TENM1: variants seen among roughly 807,000 people sequenced by gnomAD.
TENM1 encodes the protein teneurin-1.
TENM1 carries 35 observed loss-of-function variants against 174.8 expected under a neutral mutation model. The ratio of observed to expected loss-of-function variants is 0.20; its 90% CI spans 0.15 to 0.27. The LOEUF is 0.27. TENM1 is among the 10% of genes least tolerant of loss of function. The pLI is 1.00. For missense variants in TENM1, 1,633 were observed against 2,130.1 expected, an observed-to-expected ratio of 0.77 and a Z score of 4.59; for synonymous variants, 781 against 798.7, an observed-to-expected ratio of 0.98 and a Z score of 0.37.
intron 1 of TENM1, among the ~76,000 whole-genome samples, chrX:124,957,456 C>A (rs1302080561): frequency 9.1e-6 from 1 of 109,601 alleles, no homozygotes; most frequent in Admixed American, 9.8e-5. Flanking sequence ...TGGTGGCACA[C>A]GCCTGTAATC....
At chrX:124,432,403 A>ATTTATTTG (rs1226784670) in intron 23 of TENM1, among the ~76,000 whole-genome samples, 17 of 109,607 alleles carry the variant, frequency 1.6e-4, no homozygotes, top group Admixed American at 1.2e-3. Context: ...TTATTTATTT[A>ATTTATTTG]TTTGTTTGTT....
chrX:125,150,788 A>C, the TENM1 span, among the ~76,000 whole-genome samples: 9 of 112,842 alleles, frequency 8.0e-5, no homozygotes, highest in Admixed American at 1.9e-4. Flanking sequence ...ACAAGGCATC[A>C]CAATAGATTT....
Position 124,530,504 on chromosome X carries a change from C to T in TENM1, c.2652-521G>A, listed in dbSNP as rs189620481. On this transcript the variant is annotated intron_variant, in intron 15 of 31. Coordinates refer to ENST00000422452, the Ensembl canonical transcript of TENM1. The stretch of plus-strand genomic sequence containing the variant: ...GTCCCTACTGACCGCCTTTTTCCTG[C>T]TTCTTGGTGTTCTCATCAGAGGTAC... Among the ~76,000 whole-genome samples, 444 of 111,101 alleles carry T rather than the reference C, an allele frequency of 4.0e-3. 2 individuals are homozygous for T. Among genetic ancestry groups the T allele is most frequent in the Non-Finnish European group, 6.7e-3 (356 of 53,002 alleles).
chrX:125,198,382 A>T, the TENM1 span, among the ~76,000 whole-genome samples: 1 of 111,876 alleles, frequency 8.9e-6, no homozygotes, highest in Middle Eastern at 4.7e-3. Context: ...CAAAATCATA[A>T]TTTGAAAGAA....
chrX:124,757,092 A>T (rs1408086279), intron 3 of TENM1, among the ~76,000 whole-genome samples: 1 of 112,634 alleles, frequency 8.9e-6, no homozygotes, highest in Non-Finnish European at 1.9e-5. Flanking sequence ...TCCTGCCCCC[A>T]GAGGTGGAGC....
chrX:125,064,757 C>A, the TENM1 span, among the ~76,000 whole-genome samples: 1 of 110,519 alleles, frequency 9.0e-6, no homozygotes, highest in Non-Finnish European at 1.9e-5. Flanking sequence ...CAGGTGCCCA[C>A]CACCGCGCCT....
intron 3 of TENM1, among the ~76,000 whole-genome samples, chrX:124,875,465 T>C (rs1191075749): frequency 9.1e-6 from 1 of 110,228 alleles, no homozygotes; most frequent in Non-Finnish European, 1.9e-5. Flanking sequence ...AATAAAATTA[T>C]ACCTCATTTT....
intron 11 of TENM1, among the ~76,000 whole-genome samples, chrX:124,599,563 A>G (rs1345558414): frequency 9.0e-6 from 1 of 111,507 alleles, no homozygotes; most frequent in Non-Finnish European, 1.9e-5. Context: ...GATCCAGCAA[A>G]AGAGAGAAGG....
intron 3 of TENM1, among the ~76,000 whole-genome samples, chrX:124,762,218 T>C (rs935297958): frequency 4.5e-5 from 5 of 112,053 alleles, no homozygotes; most frequent in Non-Finnish European, 1.9e-5. Flanking sequence ...CTAAACCTAA[T>C]CATCCCCCAA....
At chrX:124,496,796 T>C (rs1005239261) in intron 20 of TENM1, among the ~76,000 whole-genome samples, 10 of 111,664 alleles carry the variant, frequency 9.0e-5, no homozygotes, top group Admixed American at 3.8e-4. Flanking sequence ...TACAGGGATG[T>C]TAACACTTCC....
exon 17 of TENM1, chrX:124,523,401 G>T: frequency 8.3e-7 from 1 of 1,211,604 alleles, no homozygotes; most frequent in Non-Finnish European, 1.1e-6. Flanking sequence ...CTCTGGACAG[G>T]ACCCTCCAAA....
chrX:124,685,616 A>G (rs2052344715), intron 5 of TENM1, among the ~76,000 whole-genome samples: 1 of 107,164 alleles, frequency 9.3e-6, no homozygotes, highest in South Asian at 4.2e-4. Flanking sequence ...CTGGAGTACA[A>G]TGGCATGATC....
At chrX:125,074,620 T>C in the TENM1 span, among the ~76,000 whole-genome samples, 2 of 111,368 alleles carry the variant, frequency 1.8e-5, no homozygotes, top group African/African-American at 6.5e-5. Flanking sequence ...CACTCATCAA[T>C]GGTACATGTG....
At chrX:124,893,065 A>G (rs2057501926) in intron 3 of TENM1, among the ~76,000 whole-genome samples, 1 of 112,132 alleles carries the variant, frequency 8.9e-6, no homozygotes, top group Admixed American at 9.5e-5. Context: ...CTTAACTCAA[A>G]CCAACTCCTC....
chrX:124,717,305 T>C (rs1330045766), intron 4 of TENM1, among the ~76,000 whole-genome samples: 1 of 111,652 alleles, frequency 9.0e-6, no homozygotes, highest in African/African-American at 3.3e-5. Flanking sequence ...AGACAGGACA[T>C]CCATGATCCC....
intron 14 of TENM1, among the ~76,000 whole-genome samples, chrX:124,551,044 G>A (rs937482441): frequency 1.8e-4 from 20 of 112,903 alleles, no homozygotes; most frequent in Non-Finnish European, 2.8e-4. Context: ...ACAGGCGTAA[G>A]CCACCGGGCC....
At chrX:124,505,369 C>G (rs764277370) in intron 18 of TENM1, among the ~76,000 whole-genome samples, 73 of 111,673 alleles carry the variant, frequency 6.5e-4, no homozygotes, top group African/African-American at 2.3e-3. Flanking sequence ...CAATGCTGTT[C>G]TCTATTAACA....
At chrX:125,077,288 A>G in the TENM1 span, among the ~76,000 whole-genome samples, 51 of 111,472 alleles carry the variant, frequency 4.6e-4, no homozygotes, top group Non-Finnish European at 5.3e-4. Context: ...ATTAGATAAC[A>G]TATATACAGT....
At chrX:124,727,521 G>A (rs1030195935) in intron 4 of TENM1, among the ~76,000 whole-genome samples, 2 of 111,765 alleles carry the variant, frequency 1.8e-5, no homozygotes, top group African/African-American at 6.5e-5. Flanking sequence ...CCTGGATGAA[G>A]AGGCTGAGAA....
Sources: gnomAD v4.1 joint callset for allele counts (sites outside exome capture counted in the v4.1 genomes callset) on GRCh38, gnomAD v4.1.1 for gene constraint, MANE v1.5 for transcripts, NCBI Gene and HGNC (gene_info 2026-07-23, HGNC 2026-07-21) for gene names.